The following CEMIP variants were observed in gnomAD, a reference collection of about 807,000 sequenced individuals.
CEMIP encodes the protein cell migration-inducing and hyaluronan-binding protein.
A neutral mutation model predicts 156.9 loss-of-function variants in CEMIP; 105 were observed. The observed-to-expected ratio is 0.67, with a 90% CI of 0.57 to 0.79. The LOEUF is 0.79. CEMIP is among the 30% of genes least tolerant of loss of function. The pLI is 0.00. For missense variants in CEMIP, 1,457 were observed against 1,769.4 expected, an observed-to-expected ratio of 0.82 and a Z score of 3.17; for synonymous variants, 676 against 668.4, an observed-to-expected ratio of 1.01 and a Z score of -0.17.
intron 12 of CEMIP, chr15:80,897,486 C>T (rs532148023): frequency 1.1e-5 from 4 of 366,920 alleles, no homozygotes; most frequent in East Asian, 7.4e-5. Context: ...GCCCACCTTA[C>T]ACCTCAGACC....
At chr15:80,780,324 G>C (rs1249121495) in intron 1 of CEMIP, among the ~76,000 whole-genome samples, 1 of 152,254 alleles carries the variant, frequency 6.6e-6, no homozygotes. Context: ...GAAAGGTCGC[G>C]TTAGGTTGTG....
chr15:80,825,570 A>G (rs1441848529), intron 1 of CEMIP, among the ~76,000 whole-genome samples: 1 of 152,262 alleles, frequency 6.6e-6, no homozygotes, highest in Non-Finnish European at 1.5e-5. Flanking sequence ...AATGCTGAGC[A>G]TTGGCCAAGC....
intron 13 of CEMIP, among the ~76,000 whole-genome samples, chr15:80,908,099 G>A (rs113759518): frequency 5.5e-4 from 83 of 152,248 alleles, no homozygotes; most frequent in African/African-American, 1.9e-3. Flanking sequence ...CACCAAAAAC[G>A]CTTTATATAT....
intron 1 of CEMIP, among the ~76,000 whole-genome samples, chr15:80,834,188 T>C (rs558829835): frequency 6.6e-6 from 1 of 152,192 alleles, no homozygotes; most frequent in Non-Finnish European, 1.5e-5. Flanking sequence ...AGCCACTGAT[T>C]TCTCTATGTA....
intron 1 of CEMIP, among the ~76,000 whole-genome samples, chr15:80,855,990 T>C (rs981486642): frequency 4.6e-5 from 7 of 152,234 alleles, no homozygotes; most frequent in African/African-American, 1.7e-4. Context: ...AAAAACATGC[T>C]GAGTGAAAGA....
At chr15:80,911,788 A>G (rs1323287599) in intron 14 of CEMIP, among the ~76,000 whole-genome samples, 1 of 152,170 alleles carries the variant, frequency 6.6e-6, no homozygotes, top group East Asian at 1.9e-4. Context: ...CAATGGACTC[A>G]AAAAGGGGGA....
At chr15:80,874,417 T>C (rs968588461) in intron 3 of CEMIP, among the ~76,000 whole-genome samples, 1 of 152,172 alleles carries the variant, frequency 6.6e-6, no homozygotes, top group Non-Finnish European at 1.5e-5. Context: ...TCTCCCTAGT[T>C]TGTAAATGTT....
At chr15:80,924,911 A>G (rs1270197383) in intron 18 of CEMIP, among the ~76,000 whole-genome samples, 2 of 152,198 alleles carry the variant, frequency 1.3e-5, no homozygotes, top group South Asian at 2.1e-4. Flanking sequence ...CAGCCAAAGG[A>G]AGATAGAAAT....
chr15:80,785,420 A>G (rs1354038865), intron 1 of CEMIP, among the ~76,000 whole-genome samples: 2 of 152,132 alleles, frequency 1.3e-5, no homozygotes, highest in African/African-American at 4.8e-5. Context: ...CTGGTGTGCA[A>G]TTGTGTTCCG....
chr15:80,884,752 C>T (rs1488452022), intron 7 of CEMIP, among the ~76,000 whole-genome samples: 1 of 152,168 alleles, frequency 6.6e-6, no homozygotes, highest in Non-Finnish European at 1.5e-5. Flanking sequence ...TGTGAAGTGT[C>T]TCTGCTGAGG....
At chr15:80,820,744 TC>T (rs571527112) in intron 1 of CEMIP, among the ~76,000 whole-genome samples, 112 of 152,340 alleles carry the variant, frequency 7.4e-4, no homozygotes, top group African/African-American at 2.6e-3. Flanking sequence ...CTCAACCTTT[TC>T]AAACCTCAGT....
At chr15:80,921,182 C>A in intron 16 of CEMIP, 81 bp downstream of exon 16, 2 of 1,267,910 alleles carry the variant, frequency 1.6e-6, no homozygotes, top group Non-Finnish European at 2.3e-6. Flanking sequence ...TACCTTGAAA[C>A]ATGTGTGCTC....
At position 80,906,598 on chromosome 15, in the gene CEMIP, G is replaced by A; in HGVS notation, c.1412-65G>A. 6.6e-7 allele frequency: 1 copy of A among 1,517,402 alleles called. No individual in the cohort carries two copies. Among genetic ancestry groups the A allele is most frequent in the Non-Finnish European group, 9.0e-7 (1 of 1,110,946 alleles). 94.0% of individuals were successfully genotyped at this position (1,517,402 alleles called of 1,614,324 possible). ...GCAGCAGCCATGGAGGCACCTGGCA[G>A]GGGCCCAGAACTCAGTGGGCATGCA... On this transcript the variant is annotated intron_variant, in intron 12 of 29. Coordinates refer to ENST00000394685, the MANE Select transcript of CEMIP (RefSeq NM_001293298.2). The surrounding 1 kb of genome is among the most constrained non-coding windows in gnomAD (Gnocchi z 4.3).
intron 22 of CEMIP, 80 bp from the exon 23 acceptor site, chr15:80,933,165 G>A: frequency 1.5e-6 from 2 of 1,303,558 alleles, no homozygotes; most frequent in Non-Finnish European, 2.2e-6. Context: ...GTGGAAATCG[G>A]AAACCTCGCC....
chr15:80,839,289 A>AGAGTGTGTGTGTGTGTGT (rs1555429516), intron 1 of CEMIP, among the ~76,000 whole-genome samples: 5 of 131,188 alleles, frequency 3.8e-5, no homozygotes, highest in African/African-American at 1.5e-4. Context: ...CAAGGCCGTG[A>AGAGTGTGTGTGTGTGTGT]GTGTGTGTGT....
Position 80,928,540 on chromosome 15 carries a change from G to A in CEMIP, c.2421-362G>A, listed in dbSNP as rs190751237. Among the ~76,000 whole-genome samples the A allele has an allele frequency of 2.3e-3, 356 of 152,262 alleles. 2 individuals are homozygous for A. Among genetic ancestry groups the A allele is most frequent in the African/African-American group, 8.3e-3 (345 of 41,558 alleles). On this transcript the variant is annotated intron_variant, in intron 19 of 29. Coordinates refer to ENST00000394685, the MANE Select transcript of CEMIP (RefSeq NM_001293298.2). ...TTTCCCTGGTGCTGGTCCTGAGAGC[G>A]GAAGGCCCTTCAAGTTCTCCTGATC...
intron 12 of CEMIP, among the ~76,000 whole-genome samples, chr15:80,899,714 A>G (rs1056491053): frequency 1.3e-5 from 2 of 152,194 alleles, no homozygotes; most frequent in Non-Finnish European, 2.9e-5. Context: ...AAGTCATTGA[A>G]GGGCAGAAGC....
intron 1 of CEMIP, among the ~76,000 whole-genome samples, chr15:80,854,232 C>A (rs537880897): frequency 7.2e-5 from 11 of 152,382 alleles, no homozygotes; most frequent in African/African-American, 2.6e-4. Context: ...GGCAACACGG[C>A]CGACTAGAGC....
At chr15:80,879,467 C>T (rs1000074872) in intron 4 of CEMIP, among the ~76,000 whole-genome samples, 8 of 152,146 alleles carry the variant, frequency 5.3e-5, no homozygotes, top group African/African-American at 1.9e-4. Context: ...TATGCAAATA[C>T]TATGCCATTT....
Sources: allele counts gnomAD v4.1 joint callset (sites outside exome capture counted in the v4.1 genomes callset), GRCh38; gene constraint gnomAD v4.1.1; non-coding constraint Gnocchi (gnomAD v3.1); transcripts MANE v1.5; gene names NCBI Gene and HGNC (gene_info 2026-07-23, HGNC 2026-07-21).